Variants in NREP observed in about 807,000 individuals in gnomAD.
NREP encodes neuronal regeneration related protein.
Under a neutral mutation model 8.6 loss-of-function variants are expected in NREP, and 5 were observed. That is an observed-to-expected ratio of 0.58 (90% CI 0.30 to 1.22). The LOEUF is 1.22. Ranked by LOEUF, NREP falls within the 50% of genes most tolerant of loss-of-function variation. NREP has a pLI of 0.07. For missense variants in NREP, 86 were observed against 82.5 expected, an observed-to-expected ratio of 1.04 and a Z score of -0.17; for synonymous variants, 27 against 28.0, an observed-to-expected ratio of 0.96 and a Z score of 0.11.
chr5:111,775,683 G>A (rs1178771457), intron 2 of NREP, among the ~76,000 whole-genome samples: 3 of 152,076 alleles, frequency 2.0e-5, no homozygotes, highest in Non-Finnish European at 4.4e-5. Flanking sequence ...AAGGGTAGAC[G>A]AGGGCTTTGT....
rs532813391 is a variant in NREP, at chr5:111,889,388, C to G, written c.135+85886G>C. Among the ~76,000 whole-genome samples the G allele has an allele frequency of 2.5e-3, 381 of 152,270 alleles. 4 individuals carry two copies. Among genetic ancestry groups the G allele is most frequent in the Middle Eastern group, 0.01 (3 of 294 alleles). On this transcript the variant is annotated intron_variant, in intron 2 of 3. Coordinates refer to the NREP transcript ENST00000395634. ...ACTAAACCACTCATGAGGTATATAC[C>G]CCCATGATCCTATCACCTTTCACCA...
In NREP at chr5:111,754,476, G is replaced by A. The variant is rs139188347; in HGVS notation, c.3+1294C>T. 3.8e-3 allele frequency among the ~76,000 whole-genome samples: 580 copies of A among 152,304 alleles called. 4 individuals carry two copies. Among genetic ancestry groups the A allele is most frequent in the Admixed American group, 8.8e-3 (134 of 15,296 alleles). On this transcript the variant is annotated intron_variant, in intron 2 of 3. Coordinates refer to ENST00000257435, the MANE Select transcript of NREP (RefSeq NM_004772.4). ...GAGATAAAGAGCTTGGAGGCAAGGT[G>A]ATGTGGCCAGTCACAGTAAAAAATA... is the stretch of plus-strand genomic sequence containing the variant.
chr5:111,944,692 T>C (rs1755928322), intron 2 of NREP, among the ~76,000 whole-genome samples: 2 of 152,148 alleles, frequency 1.3e-5, no homozygotes. Flanking sequence ...CTTGACTCAA[T>C]TCTGGCCCAC....
At chr5:111,917,354 T>C (rs1755091498) in intron 2 of NREP, among the ~76,000 whole-genome samples, 1 of 152,170 alleles carries the variant, frequency 6.6e-6, no homozygotes, top group East Asian at 1.9e-4. Context: ...CCCTAACTCA[T>C]TTTATGAGGC....
chr5:111,918,389 G>A (rs536546605), intron 2 of NREP, among the ~76,000 whole-genome samples: 42 of 152,244 alleles, frequency 2.8e-4, no homozygotes, highest in East Asian at 1.9e-3. Flanking sequence ...AAAAGCACCC[G>A]TATAGCCAAG....
chr5:111,765,656 G>A (rs557246868), intron 2 of NREP, among the ~76,000 whole-genome samples: 34 of 152,200 alleles, frequency 2.2e-4, no homozygotes, highest in Non-Finnish European at 2.5e-4. Context: ...TCTCTTAACC[G>A]TCATGCTCAC....
chr5:111,842,562 TTTG>T (rs1421534530), intron 2 of NREP, among the ~76,000 whole-genome samples: 2 of 152,214 alleles, frequency 1.3e-5, no homozygotes, highest in East Asian at 1.9e-4. Flanking sequence ...TAACAAATTA[TTTG>T]TTATTTTTAC....
At chr5:111,900,716 G>C (rs7728826) in intron 2 of NREP, among the ~76,000 whole-genome samples, 91,111 of 151,692 alleles carry the variant, frequency 0.6, 27,777 homozygotes, top group Non-Finnish European at 0.65. Flanking sequence ...CAGGAAGAAA[G>C]AGAAATTCTG....
At chr5:111,863,295 C>T (rs1323715102) in intron 2 of NREP, among the ~76,000 whole-genome samples, 1 of 152,006 alleles carries the variant, frequency 6.6e-6, no homozygotes, top group Non-Finnish European at 1.5e-5. Context: ...TTTGGGTGGT[C>T]TTCCATTCAC....
chr5:111,809,624 C>T (rs1219715437), intron 2 of NREP, among the ~76,000 whole-genome samples: 1 of 152,054 alleles, frequency 6.6e-6, no homozygotes, highest in African/African-American at 2.4e-5. Flanking sequence ...TCTCATGTAT[C>T]CACTTCCCCT....
chr5:111,824,153 G>A (rs1357921861), intron 2 of NREP, among the ~76,000 whole-genome samples: 8 of 152,250 alleles, frequency 5.3e-5, no homozygotes, highest in Admixed American at 3.3e-4. Flanking sequence ...GGCGGATCAC[G>A]AGGTCAGGAG....
intron 2 of NREP, among the ~76,000 whole-genome samples, chr5:111,741,824 TACACACACACACACACAC>T (rs112980817): frequency 2.7e-5 from 2 of 73,438 alleles, no homozygotes; most frequent in African/African-American, 4.0e-5. Flanking sequence ...AACACACACA[TACACACACACACACACAC>T]ACACACACAC....
intron 2 of NREP, among the ~76,000 whole-genome samples, chr5:111,907,156 T>C (rs1265145156): frequency 1.3e-5 from 2 of 152,080 alleles, no homozygotes; most frequent in Non-Finnish European, 2.9e-5. Flanking sequence ...TTCATTCCCT[T>C]AACAGTGTTT....
intron 2 of NREP, among the ~76,000 whole-genome samples, chr5:111,883,811 C>A (rs1754153859): frequency 6.6e-6 from 1 of 152,050 alleles, no homozygotes; most frequent in African/African-American, 2.4e-5. Context: ...ATCTCTGGGA[C>A]ACATTCAAAG....
chr5:111,956,152 G>T (rs1561367209), intron 2 of NREP, among the ~76,000 whole-genome samples: 1 of 152,040 alleles, frequency 6.6e-6, no homozygotes, highest in East Asian at 1.9e-4. Context: ...TCCTCAAAGG[G>T]AAACCTCTAC....
chr5:111,857,858 G>A (rs1429421348), intron 2 of NREP, among the ~76,000 whole-genome samples: 1 of 151,950 alleles, frequency 6.6e-6, no homozygotes, highest in Non-Finnish European at 1.5e-5. Context: ...ATGAGTAGCT[G>A]TCTACCTTCC....
chr5:111,892,011 G>T (rs991881414), intron 2 of NREP, among the ~76,000 whole-genome samples: 7 of 152,186 alleles, frequency 4.6e-5, no homozygotes, highest in African/African-American at 1.7e-4. Flanking sequence ...AGGAGTGAAT[G>T]CATTCTATGA....
At chr5:111,919,120 CAT>C (rs1491266259) in intron 2 of NREP, among the ~76,000 whole-genome samples, 6 of 148,682 alleles carry the variant, frequency 4.0e-5, no homozygotes, top group Non-Finnish European at 7.6e-5. Context: ...TGCCAAAAAA[CAT>C]ATGAGAAAAA....
At chr5:111,935,158 T>G (rs532909204) in intron 2 of NREP, among the ~76,000 whole-genome samples, 1 of 152,232 alleles carries the variant, frequency 6.6e-6, no homozygotes, top group Admixed American at 6.5e-5. Context: ...TTTGATACAT[T>G]GCACTCAGAG....
Sources: allele counts gnomAD v4.1 joint callset (sites outside exome capture counted in the v4.1 genomes callset), GRCh38; gene constraint gnomAD v4.1.1; transcripts MANE v1.5; gene names NCBI Gene and HGNC (gene_info 2026-07-23, HGNC 2026-07-21).